The following CDH3 variants were observed in gnomAD, a reference collection of about 807,000 sequenced individuals.
CDH3 encodes the protein cadherin 3.
In CDH3, 54 loss-of-function variants were observed where a neutral mutation model predicts 82.0. That is an observed-to-expected ratio of 0.66 (90% confidence interval 0.53 to 0.83). The LOEUF (loss-of-function observed/expected upper bound fraction) is 0.83. CDH3 is among the 40% of genes least tolerant of loss of function. CDH3 has a pLI of 0.00. For missense variants in CDH3, 1,054 were observed against 1,084.6 expected (o/e 0.97, Z 0.40); for synonymous variants, 446 against 437.9 (o/e 1.02, Z -0.23).
chr16:68,687,778 A>T (rs1486227863), intron 12 of CDH3, 42 bp downstream of exon 12: 2 of 1,421,984 alleles, frequency 1.4e-6, no homozygotes, highest in Non-Finnish European at 2.0e-6. Flanking sequence ...TGCCAGCCCC[A>T]CTGGTGGGCA....
Position 68,699,435 on chromosome 16 carries a change from G to A in CDH3, c.*1035G>A, listed in dbSNP as rs1052543918. On this transcript the variant is annotated 3_prime_UTR_variant, in exon 16 of 16. Transcript: ENST00000264012. ...CCTCTTCTATGCTGGAGGGGTCCCT[G>A]TTGAAAGGCAGGGGTTGGGGAACAG... 2.0e-5 allele frequency: 3 copies of A among 151,448 alleles called. No individual in the cohort carries two copies. The highest frequency in any genetic ancestry group is 7.3e-5 in the African/African-American group (3 of 41,176). 9.4% of individuals were successfully genotyped at this position (151,448 alleles called of 1,614,324 possible). A position where few individuals can be genotyped will look rare whatever the true frequency, so the allele number is the denominator to read the frequency against.
intron 2 of CDH3, among the ~76,000 whole-genome samples, chr16:68,723,897 G>A (rs868295927): frequency 6.6e-5 from 10 of 152,108 alleles, no homozygotes; most frequent in South Asian, 2.1e-4. Context: ...GTGAAACCCC[G>A]TCTCTACTAA....
chr16:68,703,240 T>A (rs2152109003), downstream of CDH3, among the ~76,000 whole-genome samples: 1 of 152,248 alleles, frequency 6.6e-6, no homozygotes, highest in Middle Eastern at 3.4e-3. Flanking sequence ...ATGCTCTCAT[T>A]CCTAGACAGT....
chr16:68,728,979 T>C (rs1364797401), downstream of CDH3, among the ~76,000 whole-genome samples: 1 of 152,118 alleles, frequency 6.6e-6, no homozygotes, highest in East Asian at 1.9e-4. Context: ...AGGAACGCGT[T>C]TAAGGACACC....
At chr16:68,676,514 C>CTG (rs1354489868) in intron 3 of CDH3, 44 bp downstream of exon 3, 2 of 1,466,188 alleles carry the variant, frequency 1.4e-6, no homozygotes, top group African/African-American at 2.8e-5. Context: ...AAGATGTTCT[C>CTG]TGTGCATGCC....
intron 1 of CDH3, among the ~76,000 whole-genome samples, chr16:68,708,190 T>C (rs1393665523): frequency 6.6e-6 from 1 of 151,958 alleles, no homozygotes; most frequent in Non-Finnish European, 1.5e-5. Context: ...TAGTGGGGCA[T>C]GGTAGAGGGC....
chr16:68,733,294 A>C, the CDH3 span, among the ~76,000 whole-genome samples: 4 of 152,084 alleles, frequency 2.6e-5, no homozygotes, highest in Non-Finnish European at 5.9e-5. Context: ...AATTCAAAAT[A>C]ATATTTGTTG....
Position 68,695,821 on chromosome 16 carries a change from G to A in CDH3, c.2178G>A (p.Pro726=), listed in dbSNP as rs398123626. 29 of 1,614,082 alleles carry A rather than the reference G, an allele frequency of 1.8e-5. No individual in the cohort carries two copies. Among genetic ancestry groups the A allele is most frequent in the South Asian group, 3.3e-5 (3 of 91,076 alleles). The change falls in exon 15 of 16, where the codon CCG becomes CCA. Residue 726 remains proline (P), a synonymous_variant. Coordinates refer to ENST00000264012, the MANE Select transcript of CDH3 (RefSeq NM_001793.6). ...TCCACCGAGGTCTGGAGGCCAGGCCGGAGGTGGTTCTCCGCAATGACGTGG... is the reference window on the plus strand; with the variant it reads ...TCCACCGAGGTCTGGAGGCCAGGCCAGAGGTGGTTCTCCGCAATGACGTGG... ...TQLHRGLEAR[P]EVVLRNDVAP... is the part of the protein sequence containing the mutation.
At chr16:68,658,167 G>A (rs1453249607) in intron 2 of CDH3, among the ~76,000 whole-genome samples, 1 of 151,326 alleles carries the variant, frequency 6.6e-6, no homozygotes, top group Non-Finnish European at 1.5e-5. Context: ...CCCAAAGTTG[G>A]GATTTCCTGT....
Position 68,685,241 on chromosome 16 carries a change from C to T in CDH3, c.1461C>T (p.Ala487=). Reference sequence around the variant, plus strand: ...TGAGAGACCCAGCAGGGTGGCTAGCCATGGACCCAGACAGTGGGCAGGTCA... The same window carrying T: ...TGAGAGACCCAGCAGGGTGGCTAGCTATGGACCCAGACAGTGGGCAGGTCA... The part of the protein sequence containing the change: ...RILRDPAGWL[A]MDPDSGQVTA... Residue 487 remains alanine (A), a synonymous_variant, in exon 11 of 16, where the codon GCC becomes GCT. Transcript: ENST00000264012. 1 of 1,614,156 alleles carries T rather than the reference C, an allele frequency of 6.2e-7. No individual in the cohort carries two copies. The highest frequency in any genetic ancestry group is 8.5e-7 in the Non-Finnish European group (1 of 1,180,030).
chr16:68,696,529 C>G (rs1435517364), intron 15 of CDH3: 2 of 180,724 alleles, frequency 1.1e-5, no homozygotes, highest in Admixed American at 1.1e-4. Flanking sequence ...AGTTTGAGAT[C>G]AGCCTGGCCA....
At chr16:68,662,991 C>T (rs1411426078) in intron 2 of CDH3, among the ~76,000 whole-genome samples, 1 of 149,468 alleles carries the variant, frequency 6.7e-6, no homozygotes, top group Non-Finnish European at 1.5e-5. Context: ...GCTTTAGCCT[C>T]CCTTATAGCT....
intron 1 of CDH3, among the ~76,000 whole-genome samples, chr16:68,712,276 A>G (rs896802431): frequency 6.8e-6 from 1 of 146,460 alleles, no homozygotes; most frequent in Non-Finnish European, 1.5e-5. Context: ...GGCTCAAGCA[A>G]TCCTCCCACC....
intron 13 of CDH3, among the ~76,000 whole-genome samples, chr16:68,694,070 C>T (rs1961642548): frequency 6.6e-6 from 1 of 152,030 alleles, no homozygotes; most frequent in Non-Finnish European, 1.5e-5. Flanking sequence ...GCTTGGCCAA[C>T]ATGGTGAAAC....
Position 68,678,570 on chromosome 16 carries a change from C to G in CDH3, c.460C>G (p.Pro154Ala), listed in dbSNP as rs768402984. 8 of 1,614,078 alleles carry G rather than the reference C, an allele frequency of 5.0e-6. No individual in the cohort carries two copies. The Admixed American group carries it at 6.7e-5, about 13-fold the overall frequency. ...CACGGGGCCGGGGGCAGACAGCCCCCCTGAGGGTGTCTTCGCTGTAGAGAA... is the reference window on the plus strand; with the variant it reads ...CACGGGGCCGGGGGCAGACAGCCCCGCTGAGGGTGTCTTCGCTGTAGAGAA... ...SITGPGADSP[P>A]EGVFAVEKET... The change falls in exon 5 of 16, where the codon CCT (proline) becomes GCT (alanine). Residue 154 changes from proline to alanine, a missense_variant. Transcript: ENST00000264012.
chr16:68,648,762 T>C (rs1023144564), intron 2 of CDH3, among the ~76,000 whole-genome samples: 2 of 152,134 alleles, frequency 1.3e-5, no homozygotes, highest in African/African-American at 4.8e-5. Flanking sequence ...TGGCATTTTT[T>C]ACTACCAGAA....
intron 2 of CDH3, among the ~76,000 whole-genome samples, chr16:68,656,555 T>A (rs1022114144): frequency 6.6e-6 from 1 of 152,176 alleles, no homozygotes; most frequent in Non-Finnish European, 1.5e-5. Flanking sequence ...TGGGTGGAAT[T>A]GGCCCCATTT....
intron 11 of CDH3, 61 bp from the exon 12 acceptor site, chr16:68,687,451 G>GC: frequency 7.4e-7 from 1 of 1,357,472 alleles, no homozygotes. Flanking sequence ...AACAGGAGGA[G>GC]CCCCCCTGAG....
chr16:68,731,459 CACATATAT>C, downstream of CDH3, among the ~76,000 whole-genome samples: 2 of 13,800 alleles, frequency 1.4e-4, no homozygotes, highest in African/African-American at 4.3e-4. Flanking sequence ...CACGTATATA[CACATATAT>C]ATATACACAC....
Sources: allele counts gnomAD v4.1 joint callset (sites outside exome capture counted in the v4.1 genomes callset), GRCh38; gene constraint gnomAD v4.1.1; transcripts MANE v1.5; gene names NCBI Gene and HGNC (gene_info 2026-07-23, HGNC 2026-07-21).